XPR1: variants seen among roughly 807,000 people sequenced by gnomAD.
XPR1 encodes the protein solute carrier family 53 member 1.
In XPR1, 28 loss-of-function variants were observed where a neutral mutation model predicts 87.5. That is an observed-to-expected ratio of 0.32 (90% confidence interval 0.24 to 0.44). XPR1 has a LOEUF of 0.44. Among genes scored for constraint, XPR1 ranks in the 20% least tolerant of loss-of-function variants. XPR1 has a pLI of 1.00. For synonymous variants in XPR1, 300 were observed against 306.1 expected, an observed-to-expected ratio of 0.98 and a Z score of 0.21; for missense variants, 559 against 862.3, an observed-to-expected ratio of 0.65 and a Z score of 4.41.
chr1:180,703,328 T>C (rs1657425300), intron 2 of XPR1, among the ~76,000 whole-genome samples: 1 of 152,086 alleles, frequency 6.6e-6, no homozygotes, highest in Non-Finnish European at 1.5e-5. Context: ...TGGGCTTGTC[T>C]TCAGTTCCTA....
intron 9 of XPR1, among the ~76,000 whole-genome samples, 191 bp from the exon 10 acceptor site, chr1:180,834,683 T>C (rs1190748417): frequency 1.3e-5 from 2 of 152,228 alleles, no homozygotes; most frequent in Non-Finnish European, 2.9e-5. Flanking sequence ...TTCTTAGTTA[T>C]CCATTCAGCT....
At position 180,666,918 on chromosome 1, in the gene XPR1, C is replaced by CT. The variant is rs779609945; in HGVS notation, c.70-15429dup. On this transcript the variant is annotated intron_variant, in intron 1 of 14. Transcript: ENST00000367590. Reference sequence around the variant, plus strand: ...GATCTTAGAGGAAACCATTTTCAGTCTTTTTTTTTTTTTCCATGACAAGGT... The same window carrying CT: ...GATCTTAGAGGAAACCATTTTCAGTCTTTTTTTTTTTTTTCCATGACAAGGT... Among the ~76,000 whole-genome samples, 183 of 144,076 alleles carry CT rather than the reference C, an allele frequency of 1.3e-3. No individual in the cohort carries two copies. In the East Asian group the frequency reaches 0.015, roughly 12 times the overall value. 94.5% of individuals were successfully genotyped at this position (144,076 alleles called of 152,430 possible).
chr1:180,675,384 G>C (rs1051504819), intron 1 of XPR1, among the ~76,000 whole-genome samples: 1 of 152,164 alleles, frequency 6.6e-6, no homozygotes, highest in African/African-American at 2.4e-5. Context: ...GGATAACATA[G>C]AGTAGCTACC....
rs1388279189 is a variant in XPR1, at chr1:180,887,062, C to G, written c.*2996C>G. On this transcript the variant is annotated 3_prime_UTR_variant, in exon 15 of 15. Coordinates refer to ENST00000367590, the MANE Select transcript of XPR1 (RefSeq NM_004736.4). ...TGGCGCATGCCTGTAATCCCAGCTA[C>G]TCAGGAGACTGAGGCAGGAGAATTG... The G allele has an allele frequency of 6.6e-6, 1 of 152,338 alleles. No homozygotes were observed. The highest frequency in any genetic ancestry group is 1.5e-5 in the Non-Finnish European group (1 of 68,138). 9.4% of individuals were successfully genotyped at this position (152,338 alleles called of 1,614,324 possible).
chr1:180,648,087 A>G (rs1354772173), intron 1 of XPR1, among the ~76,000 whole-genome samples: 6 of 152,076 alleles, frequency 3.9e-5, no homozygotes, highest in Non-Finnish European at 8.8e-5. Flanking sequence ...AAATTAAAAA[A>G]TTTTACTTTT....
intron 2 of XPR1, among the ~76,000 whole-genome samples, chr1:180,696,218 A>ATGTG (rs139761473): frequency 4.6e-5 from 6 of 130,868 alleles, no homozygotes; most frequent in African/African-American, 1.9e-4. Flanking sequence ...GTATATATAT[A>ATGTG]TATATATATA....
Position 180,774,207 on chromosome 1 carries a change from A to G in XPR1, c.122-13546A>G, listed in dbSNP as rs774147260. On this transcript the variant is annotated intron_variant, in intron 2 of 14. Coordinates refer to ENST00000367590, the MANE Select transcript of XPR1 (RefSeq NM_004736.4). ...AAAACCCTGGCTTTGAGGGAATTTG[A>G]GCTAAGAACTTAATTTTCTTTATTT... Among the ~76,000 whole-genome samples, 155 of 152,120 alleles carry G rather than the reference A, an allele frequency of 1.0e-3. 1 individual carries two copies. The highest frequency in any genetic ancestry group is 3.9e-4 in the Admixed American group (6 of 15,270).
chr1:180,858,875 A>C (rs1652125879), intron 11 of XPR1, among the ~76,000 whole-genome samples: 1 of 152,166 alleles, frequency 6.6e-6, no homozygotes, highest in Non-Finnish European at 1.5e-5. Flanking sequence ...GGGAATATCT[A>C]TATTTGTTCA....
At chr1:180,672,444 C>G (rs1656211948) in intron 1 of XPR1, among the ~76,000 whole-genome samples, 1 of 152,024 alleles carries the variant, frequency 6.6e-6, no homozygotes. Context: ...ATCATTAGAA[C>G]CAAAGCTAAG....
intron 2 of XPR1, among the ~76,000 whole-genome samples, chr1:180,723,050 T>A (rs147938700): frequency 6.6e-6 from 1 of 152,186 alleles, no homozygotes; most frequent in Non-Finnish European, 1.5e-5. Context: ...AGCTTTGTCA[T>A]TGAAAAATTT....
At chr1:180,840,562 GTGTGTATATATATATA>G (rs949802172) in intron 11 of XPR1, among the ~76,000 whole-genome samples, 2 of 135,092 alleles carry the variant, frequency 1.5e-5, no homozygotes, top group African/African-American at 5.9e-5. Context: ...GTGTGTGTGT[GTGTGTATATATATATA>G]TATATATATA....
intron 2 of XPR1, among the ~76,000 whole-genome samples, chr1:180,683,334 C>A (rs557387149): frequency 2.1e-4 from 32 of 151,956 alleles, no homozygotes; most frequent in African/African-American, 7.3e-4. Context: ...CATGGTGTAT[C>A]TGTGCCACAT....
intron 1 of XPR1, among the ~76,000 whole-genome samples, chr1:180,659,790 T>G (rs541635405): frequency 2.0e-5 from 3 of 151,572 alleles, no homozygotes; most frequent in African/African-American, 7.2e-5. Flanking sequence ...GTGCTGGGAT[T>G]ACAGGCGTGA....
At chr1:180,777,787 C>G (rs1187112075) in intron 2 of XPR1, among the ~76,000 whole-genome samples, 1 of 151,406 alleles carries the variant, frequency 6.6e-6, no homozygotes, top group Non-Finnish European at 1.5e-5. Context: ...GCTAAATATT[C>G]TTTCTATATT....
At chr1:180,768,229 T>G (rs1648367291) in intron 2 of XPR1, among the ~76,000 whole-genome samples, 1 of 152,166 alleles carries the variant, frequency 6.6e-6, no homozygotes, top group African/African-American at 2.4e-5. Context: ...AGAGTTTTTT[T>G]TTTTTAGTTT....
chr1:180,682,540 A>AAT (rs2101944765), intron 2 of XPR1, 129 bp downstream of exon 2: 1 of 376,496 alleles, frequency 2.7e-6, no homozygotes, highest in East Asian at 5.3e-5. Context: ...CCCTTTTAAT[A>AAT]ATATATATTA....
At chr1:180,707,682 C>T (rs1657603816) in intron 2 of XPR1, among the ~76,000 whole-genome samples, 3 of 152,146 alleles carry the variant, frequency 2.0e-5, no homozygotes, top group Non-Finnish European at 4.4e-5. Context: ...CTGCAACTCT[C>T]CAGAAAACCT....
At chr1:180,663,173 G>A (rs1365724179) in intron 1 of XPR1, among the ~76,000 whole-genome samples, 4 of 152,184 alleles carry the variant, frequency 2.6e-5, no homozygotes, top group Non-Finnish European at 5.9e-5. Context: ...TTTCCTGGAT[G>A]TCTTGAGTTT....
chr1:180,692,781 C>T (rs748298752), intron 2 of XPR1, among the ~76,000 whole-genome samples: 61 of 151,844 alleles, frequency 4.0e-4, no homozygotes, highest in Non-Finnish European at 5.6e-4. Flanking sequence ...ATTGTTATGA[C>T]GTTAGATAAT....
Sources: gnomAD v4.1 joint callset for allele counts (sites outside exome capture counted in the v4.1 genomes callset) on GRCh38, gnomAD v4.1.1 for gene constraint, MANE v1.5 for transcripts, NCBI Gene and HGNC (gene_info 2026-07-23, HGNC 2026-07-21) for gene names.